OR10J1: variants seen among roughly 807,000 people sequenced by gnomAD.
OR10J1 encodes the protein olfactory receptor 10J1.
For missense variants in OR10J1, 474 were observed against 376.6 expected, an observed-to-expected ratio of 1.26 and a Z score of -2.14; for synonymous variants, 202 against 143.8, an observed-to-expected ratio of 1.40 and a Z score of -2.89.
chr1:159,422,777 C>T, the OR10J1 span, among the ~76,000 whole-genome samples: 5 of 152,180 alleles, frequency 3.3e-5, no homozygotes, highest in Non-Finnish European at 7.3e-5. Context: ...TAGGGTTGAG[C>T]TCCTTTCCTA....
Position 159,440,476 on chromosome 1 carries a change from T to G in OR10J1, c.685T>G (p.Ser229Ala), listed in dbSNP as rs772506088. 1 of 1,614,150 alleles carries G rather than the reference T, an allele frequency of 6.2e-7. No homozygotes were observed. Among genetic ancestry groups the G allele is most frequent in the South Asian group, 1.1e-5 (1 of 91,082 alleles). The change falls in exon 1 of 1, where the codon TCA (serine) becomes GCA (alanine). Residue 229 changes from serine to alanine, a missense_variant. Transcript: ENST00000423932. ...LIISTILKIA[S>A]VEGRKKAFAT... ...TATCTCTACAATCCTCAAGATTGCT[T>G]CAGTTGAGGGCCGGAAGAAGGCTTT...
chr1:159,413,728 T>C, the OR10J1 span, among the ~76,000 whole-genome samples: 5 of 150,504 alleles, frequency 3.3e-5, no homozygotes, highest in Non-Finnish European at 7.4e-5. Flanking sequence ...TTAGGAGATA[T>C]ACCTAATGCT....
chr1:159,420,383 T>G, the OR10J1 span, among the ~76,000 whole-genome samples: 2 of 152,160 alleles, frequency 1.3e-5, no homozygotes, highest in East Asian at 3.8e-4. Flanking sequence ...CTGGTTGTTT[T>G]GTATATTCTT....
rs759770985 is a variant in OR10J1, at chr1:159,439,931, C to A, written c.140C>A (p.Thr47Asn). The A allele has an allele frequency of 1.9e-6, 3 of 1,614,076 alleles. No homozygotes were observed. Among genetic ancestry groups the A allele is most frequent in the Non-Finnish European group, 2.5e-6 (3 of 1,179,976 alleles). The change falls in exon 1 of 1, where the codon ACC (threonine) becomes AAC (asparagine). Residue 47 changes from threonine (T) to asparagine (N), a missense_variant. Coordinates refer to ENST00000423932, the MANE Select transcript of OR10J1 (RefSeq NM_012351.3). Reference sequence around the variant, plus strand: ...TTAGCAGGCAATATCATCATTGTGACCATCATCCGAATGGATCTTCATCTT... The same window carrying A: ...TTAGCAGGCAATATCATCATTGTGAACATCATCCGAATGGATCTTCATCTT... ...LTLAGNIIIV[T>N]IIRMDLHLHT... is the part of the protein sequence containing the mutation.
the OR10J1 span, among the ~76,000 whole-genome samples, chr1:159,411,716 T>C: frequency 6.6e-6 from 1 of 152,138 alleles, no homozygotes; most frequent in African/African-American, 2.4e-5. Context: ...TTAATATTGT[T>C]ATGTGTGAAT....
At chr1:159,438,626 T>C (rs1655810002), upstream of OR10J1, among the ~76,000 whole-genome samples, 1 of 152,232 alleles carries the variant, frequency 6.6e-6, no homozygotes, top group Non-Finnish European at 1.5e-5. Context: ...TGTAAATGAT[T>C]AACAGCTGGT....
At chr1:159,421,542 C>T in the OR10J1 span, among the ~76,000 whole-genome samples, 1 of 152,160 alleles carries the variant, frequency 6.6e-6, no homozygotes, top group African/African-American at 2.4e-5. Context: ...AATTTGTTCT[C>T]ATGGGTGTGG....
the OR10J1 span, among the ~76,000 whole-genome samples, chr1:159,407,718 A>G: frequency 3.9e-5 from 6 of 152,132 alleles, no homozygotes; most frequent in Non-Finnish European, 8.8e-5. Context: ...TTCACAACTG[A>G]TCTTAAAGGG....
the OR10J1 span, among the ~76,000 whole-genome samples, chr1:159,410,437 G>A: frequency 7.9e-5 from 12 of 152,244 alleles, no homozygotes; most frequent in African/African-American, 2.9e-4. Flanking sequence ...GAGGGTGTAT[G>A]CGTCAAGGAA....
chr1:159,404,288 T>G, the OR10J1 span, among the ~76,000 whole-genome samples: 1 of 152,106 alleles, frequency 6.6e-6, no homozygotes, highest in East Asian at 1.9e-4. Flanking sequence ...AAACTGGAGG[T>G]GTTTCAGCCA....
At chr1:159,426,164 T>C in the OR10J1 span, among the ~76,000 whole-genome samples, 2 of 151,826 alleles carry the variant, frequency 1.3e-5, no homozygotes, top group South Asian at 2.1e-4. Context: ...GAAAACCTAG[T>C]AAATAAAAAA....
the OR10J1 span, among the ~76,000 whole-genome samples, chr1:159,410,538 G>A: frequency 6.6e-6 from 1 of 152,084 alleles, no homozygotes; most frequent in Non-Finnish European, 1.5e-5. Flanking sequence ...TGGGATTGGT[G>A]GTGATATCCC....
At chr1:159,405,143 G>A in the OR10J1 span, among the ~76,000 whole-genome samples, 3 of 151,930 alleles carry the variant, frequency 2.0e-5, no homozygotes, top group East Asian at 3.9e-4. Context: ...AAAGACATGA[G>A]GAAAAAAGGT....
At chr1:159,415,741 T>C in the OR10J1 span, among the ~76,000 whole-genome samples, 2 of 152,062 alleles carry the variant, frequency 1.3e-5, no homozygotes, top group Non-Finnish European at 2.9e-5. Flanking sequence ...AATATGTTAA[T>C]GATATTAATT....
At chr1:159,430,074 T>C in the OR10J1 span, among the ~76,000 whole-genome samples, 1 of 151,970 alleles carries the variant, frequency 6.6e-6, no homozygotes, top group Non-Finnish European at 1.5e-5. Context: ...TCTCATAACC[T>C]CATGACCCTC....
the OR10J1 span, among the ~76,000 whole-genome samples, chr1:159,418,738 C>A: frequency 6.6e-6 from 1 of 152,150 alleles, no homozygotes; most frequent in Non-Finnish European, 1.5e-5. Context: ...AATGGTAGAT[C>A]TACCAACAGC....
the OR10J1 span, chr1:159,432,303 G>C: frequency 2.5e-6 from 1 of 401,078 alleles, no homozygotes; most frequent in Non-Finnish European, 4.4e-6. Context: ...GATCTTTTTG[G>C]TCTTGTACGT....
rs1003705677 is a variant in OR10J1, at chr1:159,440,842, T to C, written c.*121T>C. On this transcript the variant is annotated 3_prime_UTR_variant, in exon 1 of 1. Transcript: ENST00000423932. ...CCTTAAATAAGAGGCAAAAGAGGAA[T>C]AGCAGTTTCATACAACTGGGAGTCT... 12 of 1,055,426 alleles carry C rather than the reference T, an allele frequency of 1.1e-5. No individual in the cohort carries two copies. Among genetic ancestry groups the C allele is most frequent in the Non-Finnish European group, 1.6e-5 (12 of 738,234 alleles). The allele number at this position is 1,055,426 out of a possible 1,614,324, so 65.4% of individuals were successfully genotyped here.
the OR10J1 span, among the ~76,000 whole-genome samples, chr1:159,422,074 G>A: frequency 6.6e-6 from 1 of 152,274 alleles, no homozygotes; most frequent in East Asian, 1.9e-4. Context: ...GCTATCTGTT[G>A]TAGCTGCAGG....
Sources: allele counts gnomAD v4.1 joint callset (sites outside exome capture counted in the v4.1 genomes callset), GRCh38; gene constraint gnomAD v4.1.1; transcripts MANE v1.5; gene names NCBI Gene and HGNC (gene_info 2026-07-23, HGNC 2026-07-21).